The following HERC4 variants were observed in gnomAD, a reference collection of about 807,000 sequenced individuals.
HERC4 encodes probable E3 ubiquitin-protein ligase HERC4.
HERC4 carries 28 observed loss-of-function variants against 124.3 expected under a neutral mutation model. The observed-to-expected ratio is 0.23, with a 90% CI of 0.17 to 0.31. The LOEUF is 0.31. Ranked by LOEUF, HERC4 falls within the 10% of genes least tolerant of loss-of-function variation. The probability of loss-of-function intolerance (pLI) is 1.00; values close to 1 mark genes in which losing one functional copy is unlikely to be tolerated. For synonymous variants in HERC4, 407 were observed against 421.5 expected (o/e 0.97, Z 0.42); for missense variants, 713 against 1,229.3 (o/e 0.58, Z 6.28).
intron 4 of HERC4, chr10:68,039,272 C>A: frequency 9.3e-7 from 1 of 1,079,232 alleles, no homozygotes; most frequent in Non-Finnish European, 1.2e-6. Flanking sequence ...GCCAAGATCA[C>A]ACCATCGCAC....
chr10:67,949,500 A>G (rs2033640548), intron 19 of HERC4, among the ~76,000 whole-genome samples: 1 of 152,150 alleles, frequency 6.6e-6, no homozygotes, highest in African/African-American at 2.4e-5. Flanking sequence ...AAAAACAGTA[A>G]CAAACAAAAA....
intron 8 of HERC4, among the ~76,000 whole-genome samples, chr10:68,016,359 T>C (rs745548730): frequency 2.8e-4 from 42 of 152,104 alleles, no homozygotes; most frequent in Non-Finnish European, 7.4e-5. Flanking sequence ...TTTTTAAAAA[T>C]TTTATTATTT....
At chr10:67,996,051 A>T in intron 9 of HERC4, 1 of 399,790 alleles carries the variant, frequency 2.5e-6, no homozygotes, top group Non-Finnish European at 4.9e-6. Context: ...CATACCTGTA[A>T]TCCCAGCACT....
chr10:68,059,685 A>G (rs1457268640), intron 3 of HERC4, among the ~76,000 whole-genome samples: 1 of 50,902 alleles, frequency 2.0e-5, no homozygotes, highest in Non-Finnish European at 2.6e-5. Context: ...ATATATCATA[A>G]TATTATATAT....
At chr10:68,036,207 A>G (rs1218858696) in intron 5 of HERC4, among the ~76,000 whole-genome samples, 4 of 151,784 alleles carry the variant, frequency 2.6e-5, no homozygotes, top group Non-Finnish European at 5.9e-5. Flanking sequence ...AGTCCCAGCT[A>G]CTAGGGAGGC....
At chr10:67,975,786 C>T (rs2035550292) in intron 15 of HERC4, among the ~76,000 whole-genome samples, 1 of 152,154 alleles carries the variant, frequency 6.6e-6, no homozygotes. Context: ...ACTTTTATCT[C>T]CTCTAATTAT....
At chr10:67,974,796 G>A (rs7097107) in intron 15 of HERC4, among the ~76,000 whole-genome samples, 12,034 of 152,180 alleles carry the variant, frequency 0.079, 1,259 homozygotes, top group African/African-American at 0.24. Context: ...CCATTACCCT[G>A]CCTCATTCCA....
At chr10:68,036,194 T>C (rs941499553) in intron 5 of HERC4, among the ~76,000 whole-genome samples, 3 of 151,538 alleles carry the variant, frequency 2.0e-5, no homozygotes, top group African/African-American at 7.3e-5. Flanking sequence ...GGCAGGCGCC[T>C]GTAGTCCCAG....
At chr10:68,055,995 G>A (rs890291620) in intron 3 of HERC4, among the ~76,000 whole-genome samples, 7 of 152,026 alleles carry the variant, frequency 4.6e-5, no homozygotes, top group African/African-American at 1.7e-4. Context: ...TGATCCACTG[G>A]CCTCAGTCTC....
At chr10:68,041,739 AT>A (rs999981319) in intron 4 of HERC4, among the ~76,000 whole-genome samples, 1 of 152,184 alleles carries the variant, frequency 6.6e-6, no homozygotes, top group African/African-American at 2.4e-5. Context: ...ATTTGGGTCA[AT>A]TTTTTAAATA....
chr10:68,003,812 A>G (rs2037381573), intron 9 of HERC4, among the ~76,000 whole-genome samples: 1 of 152,232 alleles, frequency 6.6e-6, no homozygotes, highest in Admixed American at 6.5e-5. Flanking sequence ...ATAGTGCTGC[A>G]ATAAACATGA....
chr10:67,956,497 C>G (rs1419558416), intron 17 of HERC4: 1 of 154,166 alleles, frequency 6.5e-6, no homozygotes, highest in Non-Finnish European at 1.4e-5. Flanking sequence ...TTTAACATCT[C>G]TCACCTCTAG....
chr10:68,065,088 G>GA (rs2041236332), intron 3 of HERC4, among the ~76,000 whole-genome samples: 1 of 151,758 alleles, frequency 6.6e-6, no homozygotes, highest in African/African-American at 2.4e-5. Context: ...TAAAACATGG[G>GA]AAAATGCTAA....
intron 15 of HERC4, among the ~76,000 whole-genome samples, chr10:67,971,022 GA>G (rs2035202107): frequency 6.6e-6 from 1 of 151,932 alleles, no homozygotes; most frequent in African/African-American, 2.4e-5. Flanking sequence ...AAAAAGAGAT[GA>G]CACAATTTAC....
chr10:68,021,334 T>C (rs910652280), intron 8 of HERC4, among the ~76,000 whole-genome samples: 1 of 152,164 alleles, frequency 6.6e-6, no homozygotes, highest in Non-Finnish European at 1.5e-5. Flanking sequence ...AAAATTAATA[T>C]ATGTAATCAA....
Position 67,954,483 on chromosome 10 carries a change from T to C in HERC4, c.2337+112A>G, listed in dbSNP as rs1001379434. On this transcript the variant is annotated intron_variant, in intron 19 of 24. Coordinates refer to ENST00000373700, the MANE Select transcript of HERC4 (RefSeq NM_015601.4). ...TCTCAAATTGTAATAAAGCAGATCT[T>C]ATATGTTAGGGATCCAGTAGTAATT... 8.6e-6 allele frequency: 7 copies of C among 812,874 alleles called. No individual in the cohort carries two copies. In the African/African-American group the frequency reaches 1.1e-4, roughly 12 times the overall value. The allele number at this position is 812,874 out of a possible 1,614,324, so 50.4% of individuals were successfully genotyped here.
intron 16 of HERC4, among the ~76,000 whole-genome samples, chr10:67,963,800 C>T (rs946657125): frequency 6.6e-6 from 1 of 152,134 alleles, no homozygotes; most frequent in Non-Finnish European, 1.5e-5. Flanking sequence ...AATCAATTTT[C>T]CTCAATGACA....
intron 19 of HERC4, among the ~76,000 whole-genome samples, chr10:67,944,998 A>G (rs1589148188): frequency 6.6e-6 from 1 of 152,226 alleles, no homozygotes; most frequent in African/African-American, 2.4e-5. Context: ...TATTGGCCTT[A>G]AAGAGGGGGT....
Position 67,932,596 on chromosome 10 carries a change from C to T in HERC4, c.2838+1G>A. On this transcript the variant is annotated splice_donor_variant, in intron 23 of 24. Transcript: ENST00000373700. LOFTEE classifies it high-confidence loss of function. ...AATATCAGAGATTAGTTTTCCCCTA[C>T]CTTTTCCAGTTCCTTCCAATCATAA... 6.2e-7 allele frequency: 1 copy of T among 1,604,398 alleles called. No homozygotes were observed.
Sources: allele counts gnomAD v4.1 joint callset (sites outside exome capture counted in the v4.1 genomes callset), GRCh38; gene constraint gnomAD v4.1.1; transcripts MANE v1.5; gene names NCBI Gene and HGNC (gene_info 2026-07-23, HGNC 2026-07-21).